The following FHL2 variants were observed in gnomAD, a reference collection of about 807,000 sequenced individuals.
FHL2 encodes the protein four and a half LIM domains protein 2.
FHL2 carries 20 observed loss-of-function variants against 32.7 expected under a neutral mutation model. That is an observed-to-expected ratio of 0.61 (90% CI 0.43 to 0.89). The LOEUF is 0.89. Ranked by LOEUF, FHL2 falls within the 40% of genes least tolerant of loss-of-function variation. FHL2 has a pLI of 0.00. For synonymous variants in FHL2, 123 were observed against 128.1 expected (o/e 0.96, Z 0.27); for missense variants, 311 against 358.6 (o/e 0.87, Z 1.07).
intron 1 of FHL2, among the ~76,000 whole-genome samples, chr2:105,410,191 TC>T (rs944478692): frequency 5.3e-5 from 8 of 152,144 alleles, no homozygotes; most frequent in African/African-American, 1.9e-4. Context: ...GACAGCTTTG[TC>T]CCCCAAAAGG....
chr2:105,423,681 T>C (rs1259812886), intron 1 of FHL2, among the ~76,000 whole-genome samples: 2 of 152,208 alleles, frequency 1.3e-5, no homozygotes, highest in Non-Finnish European at 2.9e-5. Context: ...AACAGATATA[T>C]AGACCAGTGG....
chr2:105,437,766 G>A (rs1190766205), intron 1 of FHL2, among the ~76,000 whole-genome samples: 3 of 152,282 alleles, frequency 2.0e-5, no homozygotes, highest in Non-Finnish European at 4.4e-5. Context: ...GCATTACTCA[G>A]GACTGTGCAT....
intron 1 of FHL2, among the ~76,000 whole-genome samples, chr2:105,414,697 C>T (rs1019227103): frequency 2.0e-5 from 3 of 152,130 alleles, no homozygotes; most frequent in African/African-American, 7.2e-5. Context: ...GGGTTACAGG[C>T]ACACGCTACC....
intron 1 of FHL2, among the ~76,000 whole-genome samples, chr2:105,434,871 C>G (rs1299137409): frequency 6.6e-6 from 1 of 151,958 alleles, no homozygotes; most frequent in Non-Finnish European, 1.5e-5. Flanking sequence ...GCCTCCGAAA[C>G]TAGCTATTAT....
At chr2:105,405,664 T>A (rs1465948541) in intron 1 of FHL2, among the ~76,000 whole-genome samples, 1 of 152,254 alleles carries the variant, frequency 6.6e-6, no homozygotes, top group Admixed American at 6.5e-5. Flanking sequence ...AATCCCAAGT[T>A]CTCTCTTCAC....
At chr2:105,373,772 C>A in intron 3 of FHL2, 39 bp from the exon 4 acceptor site, 5 of 1,610,180 alleles carry the variant, frequency 3.1e-6, no homozygotes, top group Non-Finnish European at 4.2e-6. Flanking sequence ...AGAGGCAGGA[C>A]AGGAGGGCTT....
chr2:105,399,775 T>C (rs1343921413), upstream of FHL2: 1 of 687,578 alleles, frequency 1.5e-6, no homozygotes, highest in Admixed American at 3.4e-5. Flanking sequence ...AGAGCACAGG[T>C]TGAGCCCATC....
chr2:105,397,451 C>T (rs1166317871), intron 1 of FHL2, among the ~76,000 whole-genome samples: 1 of 152,140 alleles, frequency 6.6e-6, no homozygotes, highest in East Asian at 1.9e-4. Context: ...GATTAAGTGA[C>T]TTGGCCCAGG....
At chr2:105,405,515 GAT>G (rs1400957930) in intron 1 of FHL2, among the ~76,000 whole-genome samples, 3 of 152,304 alleles carry the variant, frequency 2.0e-5, no homozygotes, top group African/African-American at 4.8e-5. Flanking sequence ...TGATTCAAGT[GAT>G]TCCCCTGCCA....
At chr2:105,392,233 G>A (rs1682783142) in intron 2 of FHL2, among the ~76,000 whole-genome samples, 1 of 152,218 alleles carries the variant, frequency 6.6e-6, no homozygotes, top group Admixed American at 6.5e-5. Flanking sequence ...AGTACTTTGG[G>A]AGACCGAGGC....
At chr2:105,438,495 G>A (rs1684683257) in exon 1 of FHL2, 2 of 985,572 alleles carry the variant, frequency 2.0e-6, no homozygotes, top group South Asian at 9.4e-5. Context: ...CCAACCTTCT[G>A]TGCAGCTGCC....
intron 1 of FHL2, among the ~76,000 whole-genome samples, chr2:105,419,384 A>G (rs1246356530): frequency 1.3e-5 from 2 of 152,182 alleles, no homozygotes; most frequent in Non-Finnish European, 2.9e-5. Flanking sequence ...AAGAGTCCCC[A>G]AAGTCTATTG....
chr2:105,411,912 T>C (rs1414699368), intron 1 of FHL2, among the ~76,000 whole-genome samples: 3 of 152,108 alleles, frequency 2.0e-5, no homozygotes, highest in Non-Finnish European at 4.4e-5. Flanking sequence ...ACTTGTTGAT[T>C]GCTAAGTGAC....
chr2:105,396,255 C>T (rs1309572790), intron 2 of FHL2, among the ~76,000 whole-genome samples: 1 of 152,100 alleles, frequency 6.6e-6, no homozygotes, highest in Non-Finnish European at 1.5e-5. Flanking sequence ...CCAGGAGAGC[C>T]GATGGTGCAA....
intron 3 of FHL2, 132 bp from the exon 4 acceptor site, chr2:105,373,865 A>T (rs971131609): frequency 1.3e-6 from 1 of 750,426 alleles, no homozygotes; most frequent in Non-Finnish European, 2.2e-6. Context: ...GCGCACCCAC[A>T]TTCATGCCCC....
chr2:105,369,647 A>G (rs994671225), intron 4 of FHL2, among the ~76,000 whole-genome samples: 1 of 152,200 alleles, frequency 6.6e-6, no homozygotes, highest in Non-Finnish European at 1.5e-5. Context: ...ATTCAAGTAA[A>G]AATAGTGGAA....
chr2:105,426,524 G>T lies in FHL2; in HGVS notation c.-25+11875C>A, dbSNP rs544625856. 4.1e-4 allele frequency among the ~76,000 whole-genome samples: 62 copies of T among 152,138 alleles called. 1 individual carries two copies. Among genetic ancestry groups the T allele is most frequent in the Admixed American group, 7.2e-4 (11 of 15,276 alleles). The stretch of plus-strand genomic sequence containing the variant: ...TCGCTCTCTTCTGCTCTGCACCAGG[G>T]TCACCCTCCTCCCTTCCCTGAGCCA... On this transcript the variant is annotated intron_variant, in intron 1 of 5. Transcript: ENST00000393352.
At chr2:105,411,987 G>A (rs1683806960) in intron 1 of FHL2, among the ~76,000 whole-genome samples, 1 of 152,132 alleles carries the variant, frequency 6.6e-6, no homozygotes. Context: ...TTAAAGTCCA[G>A]TGTGACCAGA....
chr2:105,399,630 A>G (rs1169114445), upstream of FHL2: 2 of 1,511,504 alleles, frequency 1.3e-6, no homozygotes, highest in East Asian at 4.9e-5. Flanking sequence ...GACTAGTTAG[A>G]CATCTTGGAT....
Sources: gnomAD v4.1 joint callset for allele counts (sites outside exome capture counted in the v4.1 genomes callset) on GRCh38, gnomAD v4.1.1 for gene constraint, MANE v1.5 for transcripts, NCBI Gene and HGNC (gene_info 2026-07-23, HGNC 2026-07-21) for gene names.